CEP57L1: variants seen among roughly 807,000 people sequenced by gnomAD.
CEP57L1 encodes centrosomal protein 57 like 1.
CEP57L1 carries 37 observed loss-of-function variants against 61.0 expected under a neutral mutation model. That is an observed-to-expected ratio of 0.61 (90% CI 0.47 to 0.80). The LOEUF (loss-of-function observed/expected upper bound fraction) is 0.80, where lower values mean the gene tolerates loss of function less well. Ranked by LOEUF, CEP57L1 falls within the 30% of genes least tolerant of loss-of-function variation. CEP57L1 has a pLI of 0.00. For synonymous variants in CEP57L1, 137 were observed against 162.3 expected, an observed-to-expected ratio of 0.84 and a Z score of 1.19; for missense variants, 422 against 524.7, an observed-to-expected ratio of 0.80 and a Z score of 1.91.
At chr6:109,109,154 A>T (rs933936533) in intron 1 of CEP57L1, among the ~76,000 whole-genome samples, 1 of 152,136 alleles carries the variant, frequency 6.6e-6, no homozygotes. Context: ...TCCTGTGTAG[A>T]GCTGCTTTGA....
chr6:109,147,074 C>T (rs1772045329), intron 3 of CEP57L1, 137 bp downstream of exon 3: 1 of 601,166 alleles, frequency 1.7e-6, no homozygotes, highest in Non-Finnish European at 2.7e-6. Flanking sequence ...TGTTCTCAGA[C>T]CTTTTGATAT....
rs2114975127 is a variant in CEP57L1 at position 109,163,950 on chromosome 6, T to C, written c.*980T>C. On this transcript the variant is annotated 3_prime_UTR_variant, in exon 11 of 11. Coordinates refer to ENST00000517392, the MANE Select transcript of CEP57L1 (RefSeq NM_001271852.3). Reference sequence around the variant, plus strand: ...TAGTACAACTCTTCTGAACTCTTGGTTTCTCACTCAAATCCTCTGAGGCAA... The same window carrying C: ...TAGTACAACTCTTCTGAACTCTTGGCTTCTCACTCAAATCCTCTGAGGCAA... The C allele has an allele frequency of 6.6e-6, 1 of 152,346 alleles. No homozygotes were observed. Among genetic ancestry groups the C allele is most frequent in the Non-Finnish European group, 1.5e-5 (1 of 68,056 alleles). The allele number at this position is 152,346 out of a possible 1,614,324, so 9.4% of individuals were successfully genotyped here.
chr6:109,157,787 A>G lies in CEP57L1; in HGVS notation c.745-1238A>G, dbSNP rs565045621. ...GAAGGCTTCTGAGAAGAGTAGGGACATGATTAGAGTTGTAATTTTAGATGG... is the reference window on the plus strand; with the variant it reads ...GAAGGCTTCTGAGAAGAGTAGGGACGTGATTAGAGTTGTAATTTTAGATGG... On this transcript the variant is annotated intron_variant, in intron 7 of 10. Transcript: ENST00000517392. The G allele has an allele frequency of 2.6e-5, 4 of 152,338 alleles. No homozygotes were observed. The East Asian group carries it at 5.8e-4, about 22-fold the overall frequency. 9.4% of individuals were successfully genotyped at this position (152,338 alleles called of 1,614,324 possible). A position where few individuals can be genotyped will look rare whatever the true frequency, so the allele number is the denominator to read the frequency against.
chr6:109,128,161 T>C (rs1018558646), intron 1 of CEP57L1, among the ~76,000 whole-genome samples: 4 of 152,190 alleles, frequency 2.6e-5, no homozygotes, highest in Non-Finnish European at 5.9e-5. Context: ...GATTCATATT[T>C]CAGTCTGCTT....
intron 4 of CEP57L1, among the ~76,000 whole-genome samples, chr6:109,150,719 A>G (rs895231930): frequency 1.3e-5 from 2 of 151,998 alleles, no homozygotes; most frequent in Non-Finnish European, 2.9e-5. Context: ...ATTACACTCA[A>G]AGAGACAACA....
At chr6:109,131,092 AATTAC>A (rs1774148213) in intron 1 of CEP57L1, among the ~76,000 whole-genome samples, 2 of 152,174 alleles carry the variant, frequency 1.3e-5, no homozygotes, top group African/African-American at 4.8e-5. Context: ...GTTAATTATA[AATTAC>A]ATTAAGTAGA....
intron 1 of CEP57L1, among the ~76,000 whole-genome samples, chr6:109,102,706 AG>A (rs1770456124): frequency 6.6e-6 from 1 of 152,182 alleles, no homozygotes; most frequent in African/African-American, 2.4e-5. Flanking sequence ...TTTATTAAAA[AG>A]TTTCTGCTGG....
intron 3 of CEP57L1, among the ~76,000 whole-genome samples, chr6:109,149,804 G>T (rs543124022): frequency 6.6e-6 from 1 of 152,112 alleles, no homozygotes; most frequent in Non-Finnish European, 1.5e-5. Flanking sequence ...TTGAGCAGTG[G>T]TTTGTAGTTC....
At chr6:109,160,517 A>G (rs1773620857) in intron 9 of CEP57L1, 55 bp from the exon 10 acceptor site, 1 of 1,382,068 alleles carries the variant, frequency 7.2e-7, no homozygotes, top group Non-Finnish European at 9.8e-7. Context: ...AATTATGGCA[A>G]AGAAATATAT....
chr6:109,127,768 G>A lies in CEP57L1; in HGVS notation c.-3-17451G>A, dbSNP rs894981565. On this transcript the variant is annotated intron_variant, in intron 1 of 10. Coordinates refer to ENST00000517392, the MANE Select transcript of CEP57L1 (RefSeq NM_001271852.3). ...CCCGAGTAGCTGGGATTACAGGCAC[G>A]TGCCACCACGCCTGGCTAATTTTTT... Among the ~76,000 whole-genome samples the A allele has an allele frequency of 8.0e-4, 121 of 151,144 alleles. 2 individuals carry two copies. The highest frequency in any genetic ancestry group is 6.5e-4 in the Non-Finnish European group (44 of 67,738).
chr6:109,125,579 A>C (rs1773468591), intron 1 of CEP57L1, among the ~76,000 whole-genome samples: 1 of 149,926 alleles, frequency 6.7e-6, no homozygotes, highest in Admixed American at 6.7e-5. Flanking sequence ...TTTACCATCA[A>C]CCATTCTAAA....
At chr6:109,141,280 A>G (rs1384361517) in intron 1 of CEP57L1, among the ~76,000 whole-genome samples, 6 of 151,944 alleles carry the variant, frequency 3.9e-5, no homozygotes, top group Non-Finnish European at 5.9e-5. Context: ...TAGTGGCGCA[A>G]TCTCGGCTCA....
chr6:109,123,174 A>G (rs921157137), intron 1 of CEP57L1, among the ~76,000 whole-genome samples: 1 of 152,146 alleles, frequency 6.6e-6, no homozygotes, highest in Admixed American at 6.5e-5. Context: ...TTCAGCTGCC[A>G]TCTATGTATA....
chr6:109,103,560 C>T (rs928515708), intron 1 of CEP57L1, among the ~76,000 whole-genome samples: 5 of 152,042 alleles, frequency 3.3e-5, no homozygotes, highest in Admixed American at 6.6e-5. Context: ...ATTTTGGTTC[C>T]ATCTTTCAGG....
chr6:109,121,999 A>G (rs1773030102), intron 1 of CEP57L1, among the ~76,000 whole-genome samples: 1 of 152,198 alleles, frequency 6.6e-6, no homozygotes, highest in South Asian at 2.1e-4. Context: ...TGGCTTTAAG[A>G]TGCATATTTT....
intron 1 of CEP57L1, among the ~76,000 whole-genome samples, chr6:109,142,946 GCTCTCTCTCTCTCTCTCTCTCTCTCT>G (rs35714375): frequency 0.2 from 11,394 of 55,762 alleles, 601 homozygotes; most frequent in Middle Eastern, 0.4. Context: ...TGTCTCTCTT[GCTCTCTCTCTCTCTCTCTCTCTCTCT>G]CTCTCTCTCT....
At position 109,171,403 on chromosome 6, in the gene CEP57L1, T is replaced by TG. The variant is rs368577330; in HGVS notation, c.*8434dup. Among the ~76,000 whole-genome samples, 13,490 of 148,830 alleles carry TG rather than the reference T, an allele frequency of 0.091. 701 individuals are homozygous for TG. The highest frequency in any genetic ancestry group is 0.2 in the Middle Eastern group (58 of 294). On this transcript the variant is annotated 3_prime_UTR_variant, in exon 11 of 11. Coordinates refer to ENST00000517392, the MANE Select transcript of CEP57L1 (RefSeq NM_001271852.3). ...ACAGGCATGCGTCACCACACCCGGC[T>TG]GTTTTTTTTTTTCGCATTTTTAATA...
At chr6:109,105,768 T>G (rs370661584) in intron 1 of CEP57L1, among the ~76,000 whole-genome samples, 1 of 152,166 alleles carries the variant, frequency 6.6e-6, no homozygotes, top group African/African-American at 2.4e-5. Flanking sequence ...CCTCGGGCCA[T>G]GGACTGGTAC....
chr6:109,095,192 C>T (rs1328236515), upstream of CEP57L1: 1 of 985,514 alleles, frequency 1.0e-6, no homozygotes, highest in Non-Finnish European at 1.2e-6. Flanking sequence ...AAGCTTGCGC[C>T]CTGAGGCGGT....
Sources: allele counts gnomAD v4.1 joint callset (sites outside exome capture counted in the v4.1 genomes callset), GRCh38; gene constraint gnomAD v4.1.1; transcripts MANE v1.5; gene names NCBI Gene and HGNC (gene_info 2026-07-23, HGNC 2026-07-21).